RTTN: variants seen among roughly 807,000 people sequenced by gnomAD.
RTTN encodes the protein rotatin.
In RTTN, 182 loss-of-function variants were observed where a neutral mutation model predicts 269.2. The observed-to-expected ratio is 0.68, with a 90% CI of 0.60 to 0.76. The LOEUF (loss-of-function observed/expected upper bound fraction) is 0.76. Ranked by LOEUF, RTTN falls within the 30% of genes least tolerant of loss-of-function variation. The pLI is 0.00. For synonymous variants in RTTN, 1,006 were observed against 963.5 expected, an observed-to-expected ratio of 1.04 and a Z score of -0.82; for missense variants, 2,545 against 2,608.6, an observed-to-expected ratio of 0.98 and a Z score of 0.53.
intron 46 of RTTN, among the ~76,000 whole-genome samples, chr18:70,010,761 G>GAC (rs1332506234): frequency 6.6e-6 from 1 of 152,110 alleles, no homozygotes; most frequent in Non-Finnish European, 1.5e-5. Context: ...AGGAGAGAGA[G>GAC]ACACGAAAAA....
intron 26 of RTTN, 102 bp from the exon 27 acceptor site, chr18:70,114,701 ACCTAACTAGTAGG>A: frequency 1.1e-6 from 1 of 917,406 alleles, no homozygotes; most frequent in Non-Finnish European, 1.6e-6. Flanking sequence ...GAGCTATATT[ACCTAACTAGTAGG>A]TGTGGGCCTT....
intron 34 of RTTN, among the ~76,000 whole-genome samples, chr18:70,068,542 G>C (rs556787880): frequency 6.6e-6 from 1 of 152,136 alleles, no homozygotes; most frequent in African/African-American, 2.4e-5. Flanking sequence ...CTGTGTCCCC[G>C]CGGAACTTCA....
At chr18:70,052,661 C>A (rs2057706199) in intron 38 of RTTN, among the ~76,000 whole-genome samples, 1 of 64,558 alleles carries the variant, frequency 1.5e-5, no homozygotes, top group Admixed American at 1.9e-4. Flanking sequence ...TATATCATCA[C>A]AATGTGTCAA....
At chr18:70,093,435 G>C (rs1417025291) in intron 28 of RTTN, among the ~76,000 whole-genome samples, 1 of 152,032 alleles carries the variant, frequency 6.6e-6, no homozygotes, top group South Asian at 2.1e-4. Flanking sequence ...ATTGGCTGTG[G>C]GTTTGTCACA....
chr18:70,143,577 G>A (rs1038976028), intron 18 of RTTN, among the ~76,000 whole-genome samples: 2 of 151,962 alleles, frequency 1.3e-5, no homozygotes, highest in Non-Finnish European at 2.9e-5. Flanking sequence ...GGGGAACAAC[G>A]GACACTGGGG....
chr18:70,171,830 G>C (rs531681810), intron 11 of RTTN, among the ~76,000 whole-genome samples: 2 of 152,292 alleles, frequency 1.3e-5, no homozygotes, highest in East Asian at 3.9e-4. Flanking sequence ...CCCTTTACCT[G>C]ATGAATCAGA....
In RTTN at chr18:70,166,139, C is replaced by T. The variant is rs750486317; in HGVS notation, c.1852G>A (p.Val618Met). The T allele has an allele frequency of 3.7e-6, 6 of 1,613,674 alleles. No individual in the cohort carries two copies. Among genetic ancestry groups the T allele is most frequent in the East Asian group, 2.2e-5 (1 of 44,852 alleles). Reference sequence around the variant, plus strand: ...GGGTGAGACAACATATGGAGAAGCACCTTCTGACTTTCTCCTTGTAGTAAT... The same window carrying T: ...GGGTGAGACAACATATGGAGAAGCATCTTCTGACTTTCTCCTTGTAGTAAT... ...SPLLQGESQK[V>M]LLHMLSHPLP... The change falls in exon 14 of 49, where the codon GTG becomes ATG. Residue 618 changes from valine (V) to methionine (M), a missense_variant. Val to Met is a conservative substitution (Grantham distance 21). Coordinates refer to ENST00000640769, the MANE Select transcript of RTTN (RefSeq NM_173630.4).
chr18:70,192,419 G>T (rs1165127103), intron 8 of RTTN, among the ~76,000 whole-genome samples: 1 of 152,190 alleles, frequency 6.6e-6, no homozygotes, highest in Non-Finnish European at 1.5e-5. Context: ...GGTGACTCAT[G>T]TCTGTAATCT....
intron 23 of RTTN, 78 bp downstream of exon 23, chr18:70,134,395 G>T: frequency 9.0e-7 from 1 of 1,106,522 alleles, no homozygotes; most frequent in Non-Finnish European, 1.3e-6. Context: ...TGAAAATTGT[G>T]ACAAATTATA....
At chr18:70,156,239 G>C (rs2060672524) in intron 14 of RTTN, among the ~76,000 whole-genome samples, 1 of 152,176 alleles carries the variant, frequency 6.6e-6, no homozygotes, top group Non-Finnish European at 1.5e-5. Context: ...CTGAGAAAGA[G>C]AATGTGCCCT....
chr18:70,013,149 C>G (rs1197272564), intron 46 of RTTN, among the ~76,000 whole-genome samples: 1 of 152,126 alleles, frequency 6.6e-6, no homozygotes, highest in African/African-American at 2.4e-5. Context: ...CTTGCAGATG[C>G]AATTTATCAC....
rs775100522 is a variant in RTTN at position 70,128,534 on chromosome 18, A to C, written c.2967T>G (p.Pro989=). The change falls in exon 24 of 49, where the codon CCT becomes CCG. Residue 989 remains proline (P), a synonymous_variant. Transcript: ENST00000640769. ...CAGCATGGTGTCCAATTACATGAAC[A>C]GGTAGATGGTACCTAAAGAAAATGT... ...PVSVFRRYHL[P]VHVIGHHAVS... is the part of the protein sequence containing the mutation. 2.5e-6 allele frequency: 4 copies of C among 1,612,210 alleles called. No homozygotes were observed. Among genetic ancestry groups the C allele is most frequent in the East Asian group, 2.2e-5 (1 of 44,814 alleles).
intron 14 of RTTN, among the ~76,000 whole-genome samples, chr18:70,151,420 C>T (rs1340829019): frequency 3.3e-5 from 5 of 151,596 alleles, no homozygotes; most frequent in African/African-American, 9.7e-5. Flanking sequence ...AAAAAAGCTA[C>T]TTGAAATATT....
Position 70,185,636 on chromosome 18 carries a change from A to G in RTTN, c.1305+2472T>C, listed in dbSNP as rs118097892. ...GGCTTCTAGCCAGGGCAATTAGGCA[A>G]TTTAAAAAAATTAAAGGTATCCAGA... is the stretch of plus-strand genomic sequence containing the variant. On this transcript the variant is annotated intron_variant, in intron 10 of 48. Transcript: ENST00000640769. Among the ~76,000 whole-genome samples, 524 of 152,308 alleles carry G rather than the reference A, an allele frequency of 3.4e-3. 1 individual carries two copies. The highest frequency in any genetic ancestry group is 5.4e-3 in the Non-Finnish European group (368 of 68,018).
chr18:70,048,256 T>C (rs2057549738), intron 39 of RTTN, 68 bp from the exon 40 acceptor site: 1 of 1,418,752 alleles, frequency 7.0e-7, no homozygotes, highest in Non-Finnish European at 9.8e-7. Flanking sequence ...GGAAATCAAG[T>C]TGATTTTAAA....
At chr18:70,182,468 C>T (rs1329898276) in intron 10 of RTTN, among the ~76,000 whole-genome samples, 1 of 151,852 alleles carries the variant, frequency 6.6e-6, no homozygotes, top group Non-Finnish European at 1.5e-5. Flanking sequence ...TTTGATTCTA[C>T]TGCCCTGACA....
At chr18:70,045,210 C>T (rs2057459809) in intron 40 of RTTN, among the ~76,000 whole-genome samples, 1 of 152,162 alleles carries the variant, frequency 6.6e-6, no homozygotes, top group South Asian at 2.1e-4. Flanking sequence ...ATAACTCTGA[C>T]CAGACATTTA....
At chr18:70,197,075 AT>A (rs778231555) in intron 6 of RTTN, among the ~76,000 whole-genome samples, 22 of 152,170 alleles carry the variant, frequency 1.4e-4, no homozygotes, top group Non-Finnish European at 2.9e-4. Flanking sequence ...GATCCTAGGT[AT>A]TAACAGTTGG....
intron 35 of RTTN, among the ~76,000 whole-genome samples, chr18:70,060,285 T>G (rs561325617): frequency 6.6e-6 from 1 of 152,086 alleles, no homozygotes; most frequent in South Asian, 2.1e-4. Flanking sequence ...CATTGTCGTA[T>G]GCAGAAGAGA....
Sources: gnomAD v4.1 joint callset for allele counts (sites outside exome capture counted in the v4.1 genomes callset) on GRCh38, gnomAD v4.1.1 for gene constraint, MANE v1.5 for transcripts, NCBI Gene and HGNC (gene_info 2026-07-23, HGNC 2026-07-21) for gene names.